Variants in CREB3L1 observed in about 807,000 individuals in gnomAD.
The protein encoded by CREB3L1 is cyclic AMP-responsive element-binding protein 3-like protein 1.
CREB3L1 carries 33 observed loss-of-function variants against 54.5 expected under a neutral mutation model. The ratio of observed to expected loss-of-function variants is 0.61; its 90% CI spans 0.46 to 0.81. The LOEUF is 0.81. Ranked by LOEUF, CREB3L1 falls within the 30% of genes least tolerant of loss-of-function variation. The pLI is 0.00. For missense variants in CREB3L1, 656 were observed against 673.3 expected (o/e 0.97, Z 0.29); for synonymous variants, 284 against 286.4 (o/e 0.99, Z 0.08).
chr11:46,279,527 G>C lies in CREB3L1; in HGVS notation c.102+1314G>C, dbSNP rs911112147. ...AGAGGGCTTGCATTGACTGCAGCGAGACTTGGTTTCTAGTCCTGGCTCTGC... is the reference window on the plus strand; with the variant it reads ...AGAGGGCTTGCATTGACTGCAGCGACACTTGGTTTCTAGTCCTGGCTCTGC... On this transcript the variant is annotated intron_variant, in intron 1 of 11. Transcript: ENST00000621158. 3.3e-5 allele frequency among the ~76,000 whole-genome samples: 5 copies of C among 152,208 alleles called. No homozygotes were observed. In the East Asian group the frequency reaches 7.7e-4, roughly 23 times the overall value.
chr11:46,320,136 A>G (rs1939626045), intron 10 of CREB3L1, 128 bp from the exon 11 acceptor site: 1 of 1,059,304 alleles, frequency 9.4e-7, no homozygotes, highest in South Asian at 1.7e-5. Context: ...ACCTGAGGTC[A>G]CACATCCGGG....
chr11:46,301,480 T>C (rs903450748), intron 2 of CREB3L1, among the ~76,000 whole-genome samples: 2 of 151,042 alleles, frequency 1.3e-5, no homozygotes, highest in African/African-American at 4.9e-5. Flanking sequence ...TCTACAAAAA[T>C]ACAACAATTA....
At chr11:46,314,046 G>A (rs1391840217) in intron 8 of CREB3L1, among the ~76,000 whole-genome samples, 7 of 152,132 alleles carry the variant, frequency 4.6e-5, no homozygotes, top group African/African-American at 1.7e-4. Flanking sequence ...AGACCAGCCT[G>A]GCCAACATGG....
At position 46,300,217 on chromosome 11, in the gene CREB3L1, G is replaced by T. The variant is rs144329754; in HGVS notation, c.331+54G>T. 1.4e-3 allele frequency: 1,868 copies of T among 1,379,122 alleles called. 44 individuals are homozygous for T. The East Asian group carries it at 0.042, about 31-fold the overall frequency. 85.4% of individuals were successfully genotyped at this position (1,379,122 alleles called of 1,614,324 possible). ...ACAGGCCCAGGAGGCCCAGGAGGGA[G>T]GAAGCTCTGGGGTGACAAGAGAGTG... On this transcript the variant is annotated intron_variant, in intron 2 of 11. Transcript: ENST00000621158.
At chr11:46,304,834 G>A (rs1939355800) in intron 2 of CREB3L1, among the ~76,000 whole-genome samples, 1 of 152,110 alleles carries the variant, frequency 6.6e-6, no homozygotes, top group South Asian at 2.1e-4. Context: ...TGAGATTACA[G>A]GCATGAGCCA....
rs1289455048 is a variant in CREB3L1, at chr11:46,312,294, G to C, written c.754-31G>C. 4 of 1,547,300 alleles carry C rather than the reference G, an allele frequency of 2.6e-6. 1 individual carries two copies. In the Admixed American group the frequency reaches 8.1e-5, roughly 31 times the overall value. On this transcript the variant is annotated intron_variant, in intron 5 of 11. Transcript: ENST00000621158. ...TTGAATTTGAACCCAGGGCTGCCTG[G>C]CTCCTAACTACCACATCATACTTCC...
At chr11:46,301,710 G>T (rs964141758) in intron 2 of CREB3L1, among the ~76,000 whole-genome samples, 15 of 151,096 alleles carry the variant, frequency 9.9e-5, no homozygotes. Context: ...TATAATCCCA[G>T]CACTTTAGGA....
At chr11:46,318,132 C>T (rs1168390987) in intron 10 of CREB3L1, among the ~76,000 whole-genome samples, 2 of 152,048 alleles carry the variant, frequency 1.3e-5, no homozygotes, top group Non-Finnish European at 2.9e-5. Context: ...ACAGGAGAAT[C>T]ACTTGAAACT....
At chr11:46,299,116 G>A (rs554184923) in intron 1 of CREB3L1, among the ~76,000 whole-genome samples, 3 of 151,902 alleles carry the variant, frequency 2.0e-5, no homozygotes, top group African/African-American at 7.2e-5. Flanking sequence ...TAACTCCACT[G>A]TGTGCTGTGC....
At chr11:46,318,403 C>A (rs546839753) in intron 10 of CREB3L1, among the ~76,000 whole-genome samples, 1 of 152,204 alleles carries the variant, frequency 6.6e-6, no homozygotes, top group African/African-American at 2.4e-5. Flanking sequence ...TCCATCGTAA[C>A]TGGCACTGCC....
intron 5 of CREB3L1, 87 bp from the exon 6 acceptor site, chr11:46,312,238 C>A: frequency 8.5e-7 from 1 of 1,178,250 alleles, no homozygotes; most frequent in Non-Finnish European, 1.2e-6. Flanking sequence ...GTGTGCCTTG[C>A]CCAGGTCATA....
chr11:46,318,909 T>C (rs1939606009), intron 10 of CREB3L1, among the ~76,000 whole-genome samples: 1 of 151,296 alleles, frequency 6.6e-6, no homozygotes, highest in South Asian at 2.1e-4. Context: ...AAAGAGGAAG[T>C]AGAGACAGGG....
In CREB3L1 at chr11:46,311,151, A is replaced by G; in HGVS notation, c.715A>G (p.Thr239Ala). ...SPVRPMARSS[T>A]AISTSPLLTA... ...TGTCAGGCCCATGGCGCGCTCCTCC[A>G]CGGCCATCTCCACCTCCCCACTCCT... is the stretch of plus-strand genomic sequence containing the variant. Residue 239 changes from threonine (T) to alanine (A), a missense_variant, in exon 5 of 12, where the codon ACG becomes GCG. Thr to Ala is a moderately conservative substitution (Grantham distance 58). Transcript: ENST00000621158. The G allele has an allele frequency of 2.5e-6, 4 of 1,601,594 alleles. No individual in the cohort carries two copies. The highest frequency in any genetic ancestry group is 3.4e-6 in the Non-Finnish European group (4 of 1,177,804).
intron 2 of CREB3L1, 59 bp from the exon 3 acceptor site, chr11:46,307,757 G>A: frequency 2.1e-6 from 3 of 1,398,678 alleles, no homozygotes; most frequent in Non-Finnish European, 2.9e-6. Flanking sequence ...CTCCCAGGGG[G>A]CAGGCAGGGG....
chr11:46,294,960 G>A (rs1011833603), intron 1 of CREB3L1, among the ~76,000 whole-genome samples: 1 of 152,004 alleles, frequency 6.6e-6, no homozygotes, highest in Non-Finnish European at 1.5e-5. Context: ...AGGAATGTCC[G>A]GGCTCAGGAT....
intron 2 of CREB3L1, among the ~76,000 whole-genome samples, chr11:46,300,452 C>T (rs535738982): frequency 2.0e-5 from 3 of 152,380 alleles, no homozygotes; most frequent in Admixed American, 6.5e-5. Flanking sequence ...TGCAGATTCT[C>T]GGGTTCCACC....
intron 1 of CREB3L1, among the ~76,000 whole-genome samples, chr11:46,284,471 T>C (rs1297898149): frequency 6.6e-6 from 1 of 151,876 alleles, no homozygotes; most frequent in Non-Finnish European, 1.5e-5. Context: ...ACCAACATGG[T>C]GAAACCCCAT....
At chr11:46,310,769 A>G (rs1939473126) in intron 4 of CREB3L1, 1 of 435,042 alleles carries the variant, frequency 2.3e-6, no homozygotes, top group Non-Finnish European at 4.0e-6. Flanking sequence ...AGCTCCTATG[A>G]TGTCTATGCC....
chr11:46,293,950 C>T (rs1046372268), intron 1 of CREB3L1, among the ~76,000 whole-genome samples: 2 of 152,174 alleles, frequency 1.3e-5, no homozygotes, highest in Non-Finnish European at 2.9e-5. Flanking sequence ...TACCTGACAG[C>T]GTCAGCCTAT....
Sources: gnomAD v4.1 joint callset for allele counts (sites outside exome capture counted in the v4.1 genomes callset) on GRCh38, gnomAD v4.1.1 for gene constraint, MANE v1.5 for transcripts, NCBI Gene and HGNC (gene_info 2026-07-23, HGNC 2026-07-21) for gene names.